The following TNS3 variants were observed in gnomAD, a reference collection of about 807,000 sequenced individuals.
TNS3 encodes the protein tensin 3, also known as tensin-3.
A neutral mutation model predicts 140.9 loss-of-function variants in TNS3; 45 were observed. The ratio of observed to expected loss-of-function variants is 0.32; its 90% CI spans 0.25 to 0.41. The LOEUF (loss-of-function observed/expected upper bound fraction) is 0.41, where lower values mean the gene tolerates loss of function less well. TNS3 is among the 10% of genes least tolerant of loss of function. The pLI, the probability that TNS3 is intolerant of heterozygous loss-of-function variation, is 1.00. For missense variants in TNS3, 1,716 were observed against 1,906.7 expected (o/e 0.90, Z 1.86); for synonymous variants, 815 against 788.4 (o/e 1.03, Z -0.56).
intron 1 of TNS3, among the ~76,000 whole-genome samples, chr7:47,535,797 G>A (rs1029269094): frequency 1.3e-5 from 2 of 152,238 alleles, no homozygotes; most frequent in African/African-American, 4.8e-5. Context: ...AAACCGCAGG[G>A]ATCTCTCGGA....
intron 16 of TNS3, among the ~76,000 whole-genome samples, chr7:47,372,522 G>A (rs1225384084): frequency 2.0e-5 from 3 of 152,160 alleles, no homozygotes; most frequent in Non-Finnish European, 1.5e-5. Context: ...GTACCAAATG[G>A]TAAGGCACAG....
chr7:47,309,797 G>A (rs889618189), intron 20 of TNS3, among the ~76,000 whole-genome samples: 3 of 152,236 alleles, frequency 2.0e-5, no homozygotes, highest in Non-Finnish European at 4.4e-5. Flanking sequence ...AGCTGCATCA[G>A]CTCAAAGCCA....
intron 20 of TNS3, among the ~76,000 whole-genome samples, chr7:47,323,126 C>A (rs1283129950): frequency 6.6e-6 from 1 of 152,238 alleles, no homozygotes; most frequent in East Asian, 1.9e-4. Flanking sequence ...GCCCAGTCCC[C>A]AGTTGCTTTT....
At chr7:47,559,123 G>A (rs1800270766) in intron 1 of TNS3, among the ~76,000 whole-genome samples, 1 of 152,190 alleles carries the variant, frequency 6.6e-6, no homozygotes, top group African/African-American at 2.4e-5. Flanking sequence ...AGGCCAAGGT[G>A]GGCGGATCAT....
chr7:47,300,143 T>C (rs907905821), intron 23 of TNS3, among the ~76,000 whole-genome samples: 6 of 152,184 alleles, frequency 3.9e-5, no homozygotes, highest in Admixed American at 3.3e-4. Flanking sequence ...TGAAATGTCA[T>C]TGTAGCTTTT....
chr7:47,350,571 G>A (rs1285818489), intron 17 of TNS3, among the ~76,000 whole-genome samples: 1 of 152,232 alleles, frequency 6.6e-6, no homozygotes, highest in African/African-American at 2.4e-5. Flanking sequence ...TTGCTACCGG[G>A]CTGGCGGGAG....
intron 4 of TNS3, among the ~76,000 whole-genome samples, chr7:47,451,989 G>C (rs1741749156): frequency 6.6e-6 from 1 of 152,124 alleles, no homozygotes; most frequent in Non-Finnish European, 1.5e-5. Context: ...CTTGCCCTCT[G>C]TGTGACTCAG....
At chr7:47,442,326 G>T (rs1023642906) in intron 4 of TNS3, among the ~76,000 whole-genome samples, 2 of 152,234 alleles carry the variant, frequency 1.3e-5, no homozygotes, top group Non-Finnish European at 2.9e-5. Context: ...GGCAAGGTAG[G>T]CATCGCTTGG....
chr7:47,469,418 T>C (rs964838192), intron 4 of TNS3, among the ~76,000 whole-genome samples: 2 of 152,200 alleles, frequency 1.3e-5, no homozygotes, highest in African/African-American at 4.8e-5. Flanking sequence ...TCGGCTAGGC[T>C]GCAGAGAAAA....
chr7:47,493,697 G>A lies in TNS3; in HGVS notation c.-114-12556C>T, dbSNP rs370945439. Among the ~76,000 whole-genome samples, 34 of 151,696 alleles carry A rather than the reference G, an allele frequency of 2.2e-4. 1 individual carries two copies. The highest frequency in any genetic ancestry group is 7.0e-4 in the African/African-American group (29 of 41,436). ...AAAAAAAATAGCCGGGCATGGTGGC[G>A]GGCGCCTGTAGTCCCAGCTACTTGG... On this transcript the variant is annotated intron_variant, in intron 3 of 30. Transcript: ENST00000311160.
At chr7:47,419,853 C>T (rs1451206023) in intron 10 of TNS3, among the ~76,000 whole-genome samples, 2 of 152,112 alleles carry the variant, frequency 1.3e-5, no homozygotes, top group Non-Finnish European at 1.5e-5. Flanking sequence ...CACCCCCAAC[C>T]ACTCAGCAGC....
In TNS3 at chr7:47,302,406, C is replaced by T. The variant is rs772769229; in HGVS notation, c.3458-134G>A. On this transcript the variant is annotated intron_variant, in intron 22 of 30. Transcript: ENST00000311160. ...CGAGCGATGTTCTAAGGAAAGGGAA[C>T]CCTGCCTTTGAAATGACTGAGTTGG... 1.5e-4 allele frequency: 102 copies of T among 686,644 alleles called. 1 individual carries two copies. The highest frequency in any genetic ancestry group is 2.0e-4 in the Non-Finnish European group (80 of 396,932). 42.5% of individuals were successfully genotyped at this position (686,644 alleles called of 1,614,324 possible). A position where few individuals can be genotyped will look rare whatever the true frequency, so the allele number is the denominator to read the frequency against.
rs1363553876 is a variant in TNS3 at position 47,275,939 on chromosome 7, C to T, written c.*2137G>A. On this transcript the variant is annotated 3_prime_UTR_variant, in exon 31 of 31. Coordinates refer to ENST00000311160, the MANE Select transcript of TNS3 (RefSeq NM_022748.12). ...ATACTGAGACCCTAGTTTGCTCTGA[C>T]TTCTAAATGAGCTCTCTCATCCTTC... The T allele has an allele frequency of 2.2e-6, 1 of 447,616 alleles. No individual in the cohort carries two copies. The highest frequency in any genetic ancestry group is 2.0e-5 in the African/African-American group (1 of 49,748). 27.7% of individuals were successfully genotyped at this position (447,616 alleles called of 1,614,324 possible).
At chr7:47,282,937 G>A (rs1202902818) in intron 28 of TNS3, among the ~76,000 whole-genome samples, 3 of 151,816 alleles carry the variant, frequency 2.0e-5, no homozygotes, top group East Asian at 1.9e-4. Context: ...GGCCCTGCTC[G>A]GGGAGCATCC....
intron 4 of TNS3, among the ~76,000 whole-genome samples, chr7:47,446,288 A>G (rs982039487): frequency 3.3e-5 from 5 of 151,842 alleles, no homozygotes; most frequent in Admixed American, 2.0e-4. Context: ...ATTTTTTTGT[A>G]TTTTTAATAG....
chr7:47,414,114 G>A, intron 11 of TNS3, 117 bp from the exon 12 acceptor site: 1 of 1,080,746 alleles, frequency 9.3e-7, no homozygotes, highest in African/African-American at 1.6e-5. Context: ...TGCGGCCTTT[G>A]AGGTCTGGGA....
intron 17 of TNS3, among the ~76,000 whole-genome samples, chr7:47,367,618 T>C (rs1041672668): frequency 2.0e-5 from 3 of 152,262 alleles, no homozygotes; most frequent in Admixed American, 2.0e-4. Context: ...GACCCCGGCC[T>C]GGTTTTGGGG....
rs762884290 is a variant in TNS3 at position 47,303,196 on chromosome 7, G to A, written c.3211C>T (p.Leu1071Phe). ...ADNGFLSHNF[L>F]TVAPGHSSHH... ...CTGCTGTGTCCAGGCGCCACCGTGA[G>A]AAAGTTGTGGGACAGGAAGCCATTG... is the stretch of plus-strand genomic sequence containing the variant. Residue 1071 changes from leucine to phenylalanine, a missense_variant, in exon 22 of 31, where the codon CTC (leucine) becomes TTC (phenylalanine). Transcript: ENST00000311160. 5 of 1,613,528 alleles carry A rather than the reference G, an allele frequency of 3.1e-6. No individual in the cohort carries two copies. The highest frequency in any genetic ancestry group is 4.2e-6 in the Non-Finnish European group (5 of 1,180,030).
intron 27 of TNS3, among the ~76,000 whole-genome samples, chr7:47,288,270 T>C (rs1785521921): frequency 6.6e-6 from 1 of 152,086 alleles, no homozygotes; most frequent in South Asian, 2.1e-4. Flanking sequence ...GTCTATGACA[T>C]GGGATGACAG....
Sources: allele counts gnomAD v4.1 joint callset (sites outside exome capture counted in the v4.1 genomes callset), GRCh38; gene constraint gnomAD v4.1.1; transcripts MANE v1.5; gene names NCBI Gene and HGNC (gene_info 2026-07-23, HGNC 2026-07-21).